UFD1: variants seen among roughly 807,000 people sequenced by gnomAD.
UFD1 encodes ubiquitin recognition factor in ER-associated degradation protein 1.
Under a neutral mutation model 45.9 loss-of-function variants are expected in UFD1, and 13 were observed. That is an observed-to-expected ratio of 0.28 (90% CI 0.18 to 0.45). UFD1 has a LOEUF of 0.45. Among genes scored for constraint, UFD1 ranks in the 20% least tolerant of loss-of-function variants. UFD1 has a pLI of 1.00. For missense variants in UFD1, 218 were observed against 389.2 expected (o/e 0.56, Z 3.70); for synonymous variants, 128 against 139.2 (o/e 0.92, Z 0.56).
intron 11 of UFD1, chr22:19,453,965 T>C: frequency 1.0e-6 from 1 of 985,620 alleles, no homozygotes; most frequent in Non-Finnish European, 1.2e-6. Flanking sequence ...GTGACTGCGT[T>C]CCAGTTGCTG....
At chr22:19,464,839 A>G (rs1402470792) in intron 6 of UFD1, among the ~76,000 whole-genome samples, 1 of 152,210 alleles carries the variant, frequency 6.6e-6, no homozygotes, top group Non-Finnish European at 1.5e-5. Flanking sequence ...TCCCAAGGAC[A>G]AGGACCCAGC....
chr22:19,470,915 G>C (rs2089840222), intron 4 of UFD1: 1 of 441,834 alleles, frequency 2.3e-6, no homozygotes, highest in South Asian at 1.6e-5. Flanking sequence ...AGCTCACTGC[G>C]GGGTCTCTCA....
intron 1 of UFD1, among the ~76,000 whole-genome samples, chr22:19,477,677 GT>G (rs1568904884): frequency 1.5e-5 from 2 of 131,804 alleles, no homozygotes; most frequent in African/African-American, 2.8e-5. Context: ...TAAAAATTTG[GT>G]TTTTTTAACC....
chr22:19,460,081 C>A (rs1457474676), intron 6 of UFD1, among the ~76,000 whole-genome samples: 2 of 151,512 alleles, frequency 1.3e-5, no homozygotes, highest in South Asian at 2.1e-4. Flanking sequence ...CTGGATAGTC[C>A]CACCATTTAA....
chr22:19,471,017 GAGA>G lies in UFD1; in HGVS notation c.291+667_291+669del, dbSNP rs780384565. 5.3e-4 allele frequency among the ~76,000 whole-genome samples: 81 copies of G among 152,304 alleles called. 1 individual carries two copies. The highest frequency in any genetic ancestry group is 9.7e-4 in the Non-Finnish European group (66 of 68,024). Reference sequence around the variant, plus strand: ...TGCCAGAGCTGGGGAGAGGAGTGAGGAGAAGAAGGAGCCAAGTGGGCCACAGCT... The same window carrying G: ...TGCCAGAGCTGGGGAGAGGAGTGAGGAGAAGGAGCCAAGTGGGCCACAGCT... On this transcript the variant is annotated intron_variant, in intron 4 of 11. Coordinates refer to ENST00000263202, the MANE Select transcript of UFD1 (RefSeq NM_005659.7).
chr22:19,451,618 AAC>A (rs2089683387), intron 11 of UFD1: 2 of 985,324 alleles, frequency 2.0e-6, no homozygotes, highest in South Asian at 4.7e-5. Flanking sequence ...TGGAATGTTC[AAC>A]ACACATCCCT....
At chr22:19,453,054 T>A (rs1337195759) in intron 11 of UFD1, 42 of 985,238 alleles carry the variant, frequency 4.3e-5, no homozygotes, top group Non-Finnish European at 5.1e-5. Flanking sequence ...GATGCTGGAA[T>A]GGAAAGCTTT....
rs770133012 is a variant in UFD1 at position 19,455,849 on chromosome 22, T to C, written c.679-81A>G. The C allele has an allele frequency of 7.5e-4, 1,011 of 1,355,974 alleles. 4 individuals are homozygous for C. Among genetic ancestry groups the C allele is most frequent in the Non-Finnish European group, 9.3e-4 (885 of 954,428 alleles). 84.0% of individuals were successfully genotyped at this position (1,355,974 alleles called of 1,614,324 possible). ...CTTTGCTTGGAGATCACTGCAGGGA[T>C]GTGAGCTGGGGGTGCTGTGCAGACC... On this transcript the variant is annotated intron_variant, in intron 9 of 11. Coordinates refer to ENST00000263202, the MANE Select transcript of UFD1 (RefSeq NM_005659.7).
intron 4 of UFD1, among the ~76,000 whole-genome samples, chr22:19,468,227 T>C (rs1379896384): frequency 6.6e-6 from 1 of 152,202 alleles, no homozygotes; most frequent in Non-Finnish European, 1.5e-5. Context: ...TAGCTCACAG[T>C]GTGAACGCAT....
chr22:19,476,713 G>A (rs2089884342), intron 1 of UFD1, among the ~76,000 whole-genome samples: 1 of 151,774 alleles, frequency 6.6e-6, no homozygotes, highest in Non-Finnish European at 1.5e-5. Context: ...CTACAATAAA[G>A]TTTAATTTAT....
chr22:19,459,024 A>G (rs568763415), intron 6 of UFD1, among the ~76,000 whole-genome samples: 10 of 152,226 alleles, frequency 6.6e-5, no homozygotes, highest in Non-Finnish European at 1.5e-4. Flanking sequence ...TAACTCATGT[A>G]ATTTATTGAA....
intron 3 of UFD1, 29 bp downstream of exon 3, chr22:19,475,039 A>C (rs1402592784): frequency 6.2e-7 from 1 of 1,603,786 alleles, no homozygotes; most frequent in African/African-American, 1.3e-5. Flanking sequence ...ACATTATCTA[A>C]GTCCTTAAGT....
chr22:19,462,012 T>A (rs1387948852), intron 6 of UFD1, among the ~76,000 whole-genome samples: 1 of 152,210 alleles, frequency 6.6e-6, no homozygotes, highest in Non-Finnish European at 1.5e-5. Flanking sequence ...TGCTTTTTTT[T>A]TGTTTGAGGC....
At chr22:19,457,657 C>T (rs1465273974) in intron 7 of UFD1, among the ~76,000 whole-genome samples, 1 of 152,048 alleles carries the variant, frequency 6.6e-6, no homozygotes, top group African/African-American at 2.4e-5. Context: ...TACCAAAATA[C>T]AAAACTAGCC....
chr22:19,475,247 T>C, intron 2 of UFD1, 147 bp from the exon 3 acceptor site: 1 of 1,089,384 alleles, frequency 9.2e-7, no homozygotes, highest in Non-Finnish European at 1.3e-6. Flanking sequence ...ATGAAGAATC[T>C]TACTTGATGT....
chr22:19,476,909 A>G (rs1340578168), intron 1 of UFD1, among the ~76,000 whole-genome samples: 1 of 147,286 alleles, frequency 6.8e-6, no homozygotes, highest in Non-Finnish European at 1.5e-5. Context: ...CAGGAGGCTG[A>G]GGCAGAAGAA....
intron 1 of UFD1, 64 bp downstream of exon 1, chr22:19,479,019 G>A (rs2089922732): frequency 1.5e-6 from 1 of 654,408 alleles, no homozygotes; most frequent in Non-Finnish European, 2.5e-6. Flanking sequence ...GCCCTGCCCC[G>A]CCGGGCCCTA....
intron 6 of UFD1, among the ~76,000 whole-genome samples, chr22:19,464,909 T>A (rs980336851): frequency 2.0e-5 from 3 of 152,236 alleles, no homozygotes; most frequent in African/African-American, 7.2e-5. Context: ...AGAGGTGCAG[T>A]GGGGACCTTT....
chr22:19,451,959 C>T, intron 11 of UFD1: 1 of 984,982 alleles, frequency 1.0e-6, no homozygotes, highest in Non-Finnish European at 1.2e-6. Flanking sequence ...TTATTTCTAC[C>T]TTATTCCTTC....
Sources: allele counts gnomAD v4.1 joint callset (sites outside exome capture counted in the v4.1 genomes callset), GRCh38; gene constraint gnomAD v4.1.1; transcripts MANE v1.5; gene names NCBI Gene and HGNC (gene_info 2026-07-23, HGNC 2026-07-21).